ATP9A: variants seen among roughly 807,000 people sequenced by gnomAD.
The protein encoded by ATP9A is ATPase phospholipid transporting 9A.
Under a neutral mutation model 144.1 loss-of-function variants are expected in ATP9A, and 52 were observed. The ratio of observed to expected loss-of-function variants is 0.36; its 90% confidence interval spans 0.29 to 0.45. The LOEUF is 0.45. Ranked by LOEUF, ATP9A falls within the 20% of genes least tolerant of loss-of-function variation. The pLI, the probability that ATP9A is intolerant of heterozygous loss-of-function variation, is 1.00. For synonymous variants in ATP9A, 582 were observed against 557.4 expected (o/e 1.04, Z -0.62); for missense variants, 947 against 1,392.7 (o/e 0.68, Z 5.09).
At chr20:51,744,694 G>A (rs1229360059) in intron 1 of ATP9A, among the ~76,000 whole-genome samples, 3 of 152,174 alleles carry the variant, frequency 2.0e-5, no homozygotes, top group Non-Finnish European at 4.4e-5. Flanking sequence ...ATCTCTGCTG[G>A]GAGTTCCCCT....
intron 4 of ATP9A, among the ~76,000 whole-genome samples, chr20:51,704,587 CCTGA>C (rs2077607519): frequency 6.6e-6 from 1 of 152,012 alleles, no homozygotes. Flanking sequence ...TCAAGACCAG[CCTGA>C]CTGACATGGA....
rs1010688077 is a variant in ATP9A, at chr20:51,669,958, T to A, written c.1293+39A>T. ...CAATATAGCTGTTAAAAAAAAAAAG[T>A]CAAAGAATTGTTTTGGGTGTTGAAA... On this transcript the variant is annotated intron_variant, in intron 13 of 27. Coordinates refer to ENST00000338821, the MANE Select transcript of ATP9A (RefSeq NM_006045.3). 1.3e-5 allele frequency: 18 copies of A among 1,385,902 alleles called. No homozygotes were observed. In the South Asian group the frequency reaches 1.4e-4, roughly 10 times the overall value. The allele number at this position is 1,385,902 out of a possible 1,614,324, so 85.9% of individuals were successfully genotyped here.
At chr20:51,609,408 C>G (rs1467916539) in intron 24 of ATP9A, among the ~76,000 whole-genome samples, 1 of 152,144 alleles carries the variant, frequency 6.6e-6, no homozygotes, top group Non-Finnish European at 1.5e-5. Context: ...GCTGACCTTC[C>G]CGCACCCGCC....
In ATP9A at chr20:51,605,011, A is replaced by T. The variant is rs1208922259; in HGVS notation, c.2813T>A (p.Ile938Asn). 3 of 1,607,302 alleles carry T rather than the reference A, an allele frequency of 1.9e-6. No homozygotes were observed. Among genetic ancestry groups the T allele is most frequent in the Non-Finnish European group, 2.5e-6 (3 of 1,176,892 alleles). Residue 938 changes from isoleucine (I) to asparagine (N), a missense_variant, in exon 27 of 28, where the codon ATC becomes AAC. By Grantham distance (149) the Ile-to-Asn change is moderately radical. Coordinates refer to ENST00000338821, the MANE Select transcript of ATP9A (RefSeq NM_006045.3). ...VLISIYQGST[I>N]MYGALLLFES... ...AAACAGCAGCAGCGCCCCGTACATG[A>T]TGGTGCTCCCTGCAAACACCAGAGA... is the stretch of plus-strand genomic sequence containing the variant.
At chr20:51,676,986 G>A (rs926803284) in intron 9 of ATP9A, among the ~76,000 whole-genome samples, 2 of 141,000 alleles carry the variant, frequency 1.4e-5, no homozygotes, top group African/African-American at 5.4e-5. Flanking sequence ...AGAGTGCAGT[G>A]GCACAATCAT....
chr20:51,727,795 G>A (rs1426135815), intron 2 of ATP9A, among the ~76,000 whole-genome samples: 4 of 151,822 alleles, frequency 2.6e-5, no homozygotes, highest in African/African-American at 7.3e-5. Context: ...GCCGGACATG[G>A]GAGCACGTGC....
intron 9 of ATP9A, among the ~76,000 whole-genome samples, chr20:51,682,538 G>GACATCCTC (rs1185932105): frequency 7.6e-6 from 1 of 131,030 alleles, no homozygotes; most frequent in Non-Finnish European, 1.6e-5. Context: ...ATTTGACCCA[G>GACATCCTC]ACATCCTCTG....
chr20:51,620,946 G>A (rs2077224395), intron 19 of ATP9A, among the ~76,000 whole-genome samples: 2 of 152,014 alleles, frequency 1.3e-5, no homozygotes, highest in Admixed American at 6.6e-5. Context: ...TCAGGGGTTC[G>A]AGACCAGCCT....
intron 4 of ATP9A, among the ~76,000 whole-genome samples, chr20:51,698,057 C>T (rs956142174): frequency 1.3e-5 from 2 of 152,196 alleles, no homozygotes; most frequent in Non-Finnish European, 2.9e-5. Flanking sequence ...TTAATCTTCA[C>T]AATAGCCCTC....
chr20:51,618,352 C>T (rs1444797847), intron 21 of ATP9A, among the ~76,000 whole-genome samples: 1 of 152,060 alleles, frequency 6.6e-6, no homozygotes, highest in Non-Finnish European at 1.5e-5. Context: ...CACCCACTGG[C>T]AAAGGCCAGT....
chr20:51,703,933 C>T (rs2077604667), intron 4 of ATP9A, among the ~76,000 whole-genome samples: 1 of 152,090 alleles, frequency 6.6e-6, no homozygotes. Context: ...ACACTCTAAT[C>T]TAACTGTGAC....
intron 1 of ATP9A, among the ~76,000 whole-genome samples, chr20:51,767,895 G>C (rs370286010): frequency 4.6e-5 from 7 of 152,346 alleles, no homozygotes; most frequent in African/African-American, 1.4e-4. Flanking sequence ...AATGCTCCAA[G>C]CGCAGAGCTC....
At chr20:51,747,802 T>A (rs981001685) in intron 1 of ATP9A, among the ~76,000 whole-genome samples, 27 of 152,148 alleles carry the variant, frequency 1.8e-4, no homozygotes, top group Admixed American at 2.0e-4. Context: ...CCTACAGCTA[T>A]CAGACTCAAG....
At chr20:51,734,794 A>T in intron 1 of ATP9A, 1 of 216,284 alleles carries the variant, frequency 4.6e-6, no homozygotes, top group Admixed American at 4.1e-5. Flanking sequence ...AACACCACCA[A>T]GGCCCTGAGT....
intron 1 of ATP9A, among the ~76,000 whole-genome samples, chr20:51,743,517 G>A (rs533942204): frequency 3.5e-5 from 5 of 142,270 alleles, no homozygotes; most frequent in East Asian, 2.1e-4. Flanking sequence ...CTACTCCCTC[G>A]ACCTCCCGAG....
intron 1 of ATP9A, among the ~76,000 whole-genome samples, chr20:51,765,335 T>A (rs1295241243): frequency 1.3e-5 from 2 of 152,124 alleles, no homozygotes; most frequent in Non-Finnish European, 2.9e-5. Flanking sequence ...GATACACAAT[T>A]TGAATCCAAA....
chr20:51,632,007 G>T (rs2077271941), intron 15 of ATP9A, among the ~76,000 whole-genome samples: 1 of 152,210 alleles, frequency 6.6e-6, no homozygotes, highest in South Asian at 2.1e-4. Flanking sequence ...GACCCAAACT[G>T]GGGCTGTCCA....
chr20:51,695,719 A>T (rs1186848258), intron 6 of ATP9A, among the ~76,000 whole-genome samples: 1 of 152,192 alleles, frequency 6.6e-6, no homozygotes, highest in African/African-American at 2.4e-5. Flanking sequence ...ATCATGACAC[A>T]TCTGCTGGTA....
rs372124993 is a variant in ATP9A, at chr20:51,604,703, G to A, written c.3007+114C>T. The A allele has an allele frequency of 1.8e-4, 176 of 951,468 alleles. 4 individuals carry two copies. In the African/African-American group the frequency reaches 1.9e-3, roughly 10 times the overall value. 58.9% of individuals were successfully genotyped at this position (951,468 alleles called of 1,614,324 possible). The stretch of plus-strand genomic sequence containing the variant: ...GACAGCTGAGCGGGAAGGACTGCTG[G>A]AGGAAGAGCCCAGGCCGAGCGCTGG... On this transcript the variant is annotated intron_variant, in intron 27 of 27. Transcript: ENST00000338821.
Sources: allele counts gnomAD v4.1 joint callset (sites outside exome capture counted in the v4.1 genomes callset), GRCh38; gene constraint gnomAD v4.1.1; transcripts MANE v1.5; gene names NCBI Gene and HGNC (gene_info 2026-07-23, HGNC 2026-07-21).